GPC6: variants seen among roughly 807,000 people sequenced by gnomAD.
The protein encoded by GPC6 is glypican-6.
Under a neutral mutation model 55.2 loss-of-function variants are expected in GPC6, and 14 were observed. The observed-to-expected ratio is 0.25, with a 90% CI of 0.17 to 0.40. The LOEUF is 0.40. Ranked by LOEUF, GPC6 falls within the 10% of genes least tolerant of loss-of-function variation. The pLI, the probability that GPC6 is intolerant of heterozygous loss-of-function variation, is 1.00. For synonymous variants in GPC6, 278 were observed against 259.6 expected (o/e 1.07, Z -0.68); for missense variants, 641 against 708.5 (o/e 0.90, Z 1.08).
chr13:94,187,184 C>CAG (rs1889225974), intron 4 of GPC6: 1 of 152,108 alleles, frequency 6.6e-6, no homozygotes, highest in Non-Finnish European at 1.5e-5. Flanking sequence ...ACGTGTGTAT[C>CAG]CTCCCTCAAA....
At chr13:93,925,277 T>TG (rs1566606225) in intron 3 of GPC6, among the ~76,000 whole-genome samples, 16 of 151,990 alleles carry the variant, frequency 1.1e-4, no homozygotes, top group South Asian at 2.1e-4. Context: ...AAGTCTTTTC[T>TG]ATTTTTTTTT....
At chr13:93,661,350 A>G (rs1880912697) in intron 2 of GPC6, among the ~76,000 whole-genome samples, 1 of 152,052 alleles carries the variant, frequency 6.6e-6, no homozygotes, top group Non-Finnish European at 1.5e-5. Context: ...AGTAGCTGAG[A>G]ATACAGGCAC....
chr13:94,210,238 C>T (rs994081995), intron 4 of GPC6, among the ~76,000 whole-genome samples: 4 of 151,392 alleles, frequency 2.6e-5, no homozygotes, highest in African/African-American at 9.7e-5. Flanking sequence ...CTCACTGCAG[C>T]CTCTGCCTCC....
At chr13:93,891,896 A>G (rs921346664) in intron 3 of GPC6, among the ~76,000 whole-genome samples, 4 of 151,180 alleles carry the variant, frequency 2.6e-5, no homozygotes, top group Admixed American at 2.0e-4. Flanking sequence ...TTGTGTGTAT[A>G]GTGTGTGTAT....
chr13:93,246,140 T>C (rs1876596416), intron 1 of GPC6, among the ~76,000 whole-genome samples: 1 of 152,206 alleles, frequency 6.6e-6, no homozygotes, highest in African/African-American at 2.4e-5. Context: ...CAGGCACAGA[T>C]CTAGCCATTT....
At chr13:93,791,326 A>AT (rs1288147557) in intron 2 of GPC6, among the ~76,000 whole-genome samples, 6 of 152,042 alleles carry the variant, frequency 3.9e-5, no homozygotes, top group African/African-American at 1.2e-4. Flanking sequence ...AGAAATAACC[A>AT]TTTTTTTCTT....
At chr13:94,284,421 G>A (rs1892472416) in intron 4 of GPC6, among the ~76,000 whole-genome samples, 1 of 151,752 alleles carries the variant, frequency 6.6e-6, no homozygotes, top group Non-Finnish European at 1.5e-5. Context: ...GGGGAACTGG[G>A]GATGGGGGTT....
At chr13:94,266,186 T>C (rs976742797) in intron 4 of GPC6, among the ~76,000 whole-genome samples, 1 of 151,996 alleles carries the variant, frequency 6.6e-6, no homozygotes, top group East Asian at 1.9e-4. Context: ...GTTTGTTTTT[T>C]GAGAAGGAGT....
intron 4 of GPC6, among the ~76,000 whole-genome samples, chr13:94,208,934 A>G (rs66474756): frequency 0.15 from 22,300 of 151,900 alleles, 1,911 homozygotes; most frequent in Middle Eastern, 0.23. Context: ...CTCTAAAAAA[A>G]CAAACAAACA....
intron 4 of GPC6, among the ~76,000 whole-genome samples, chr13:94,073,628 C>T (rs978207607): frequency 7.2e-5 from 11 of 152,134 alleles, no homozygotes; most frequent in Admixed American, 6.5e-5. Context: ...TCAGATTACA[C>T]GGAGATTCTG....
At chr13:93,315,856 A>G (rs531815155) in intron 1 of GPC6, among the ~76,000 whole-genome samples, 1 of 152,028 alleles carries the variant, frequency 6.6e-6, no homozygotes, top group Admixed American at 6.6e-5. Context: ...ACTGTTCTGA[A>G]GATATTTTGT....
At chr13:93,995,864 GT>G (rs1366944666) in intron 3 of GPC6, among the ~76,000 whole-genome samples, 1 of 152,052 alleles carries the variant, frequency 6.6e-6, no homozygotes, top group Non-Finnish European at 1.5e-5. Flanking sequence ...CAAATCTTAA[GT>G]AAAAATTGCC....
At chr13:93,405,835 T>C (rs900659074) in intron 1 of GPC6, among the ~76,000 whole-genome samples, 11 of 152,196 alleles carry the variant, frequency 7.2e-5, no homozygotes, top group Non-Finnish European at 1.6e-4. Context: ...CCTTCAATAC[T>C]GCTGGACGGT....
chr13:93,267,464 A>G (rs1004320473), intron 1 of GPC6, among the ~76,000 whole-genome samples: 1 of 151,862 alleles, frequency 6.6e-6, no homozygotes, highest in Non-Finnish European at 1.5e-5. Flanking sequence ...CTCTTTATAT[A>G]TTGGAAGATT....
chr13:93,679,497 A>G (rs1214547765), intron 2 of GPC6, among the ~76,000 whole-genome samples: 5 of 152,204 alleles, frequency 3.3e-5, no homozygotes, highest in African/African-American at 2.4e-5. Context: ...TTAAAGTGAT[A>G]TAACTATTTT....
At chr13:93,552,107 T>C (rs1311198624) in intron 2 of GPC6, among the ~76,000 whole-genome samples, 1 of 152,196 alleles carries the variant, frequency 6.6e-6, no homozygotes, top group Non-Finnish European at 1.5e-5. Flanking sequence ...GTACATTTGC[T>C]AGGCTACCAG....
At chr13:93,895,592 G>A (rs1019299073) in intron 3 of GPC6, among the ~76,000 whole-genome samples, 2 of 151,812 alleles carry the variant, frequency 1.3e-5, no homozygotes, top group African/African-American at 4.8e-5. Context: ...TAAGGCAAGT[G>A]CATTTATGTA....
At chr13:93,485,908 A>T (rs766382323) in intron 1 of GPC6, among the ~76,000 whole-genome samples, 1 of 152,334 alleles carries the variant, frequency 6.6e-6, no homozygotes, top group East Asian at 1.9e-4. Context: ...ACAGATTATT[A>T]TATCAGCAAG....
chr13:93,508,825 A>G (rs1398039070), intron 1 of GPC6, among the ~76,000 whole-genome samples: 1 of 152,156 alleles, frequency 6.6e-6, no homozygotes, highest in African/African-American at 2.4e-5. Context: ...AAGCTGAGCT[A>G]AGAGGAAGTG....
Sources: allele counts gnomAD v4.1 joint callset (sites outside exome capture counted in the v4.1 genomes callset), GRCh38; gene constraint gnomAD v4.1.1; transcripts MANE v1.5; gene names NCBI Gene and HGNC (gene_info 2026-07-23, HGNC 2026-07-21).